The following CSMD2 variants were observed in gnomAD, a reference collection of about 807,000 sequenced individuals.
CSMD2 encodes CUB and Sushi multiple domains 2.
A neutral mutation model predicts 398.5 loss-of-function variants in CSMD2; 130 were observed. That is an observed-to-expected ratio of 0.33 (90% CI 0.28 to 0.38). The LOEUF (loss-of-function observed/expected upper bound fraction) is 0.38, where lower values mean the gene tolerates loss of function less well. Ranked by LOEUF, CSMD2 falls within the 10% of genes least tolerant of loss-of-function variation. CSMD2 has a pLI of 1.00. For missense variants in CSMD2, 3,829 were observed against 4,764.9 expected, an observed-to-expected ratio of 0.80 and a Z score of 5.78; for synonymous variants, 1,828 against 1,908.5, an observed-to-expected ratio of 0.96 and a Z score of 1.10.
chr1:33,574,104 T>C (rs947272317), intron 49 of CSMD2, among the ~76,000 whole-genome samples: 1 of 152,220 alleles, frequency 6.6e-6, no homozygotes, highest in Non-Finnish European at 1.5e-5. Context: ...CTTTCAGACA[T>C]GTAAAGTCTC....
intron 3 of CSMD2, among the ~76,000 whole-genome samples, chr1:33,991,921 ACAGGT>A (rs960353451): frequency 8.5e-5 from 13 of 152,170 alleles, no homozygotes; most frequent in African/African-American, 3.1e-4. Context: ...GGAGATATGA[ACAGGT>A]AATCCACTTG....
chr1:33,946,774 C>T (rs1470164561), intron 3 of CSMD2, among the ~76,000 whole-genome samples: 1 of 122,924 alleles, frequency 8.1e-6, no homozygotes, highest in East Asian at 2.1e-4. Context: ...GCGCACCACC[C>T]ACCATGTCCA....
chr1:33,601,013 G>A lies in CSMD2; in HGVS notation c.6711-3C>T. 2.5e-6 allele frequency: 4 copies of A among 1,614,138 alleles called. No individual in the cohort carries two copies. The highest frequency in any genetic ancestry group is 3.4e-6 in the Non-Finnish European group (4 of 1,180,030). On this transcript the variant is annotated splice_polypyrimidine_tract_variant and splice_region_variant and intron_variant, in intron 43 of 70. Transcript: ENST00000373381. ...GTGCTGTTTGCTGTGGCCCATCCCT[G>A]TACACAGGAAACAAGGTCCTGGCAT...
At position 33,935,650 on chromosome 1, in the gene CSMD2, C is replaced by T. The variant is rs111908471; in HGVS notation, c.712+110G>A. 193 of 1,179,824 alleles carry T rather than the reference C, an allele frequency of 1.6e-4. 2 individuals are homozygous for T. In the African/African-American group the frequency reaches 2.3e-3, roughly 14 times the overall value. 73.1% of individuals were successfully genotyped at this position (1,179,824 alleles called of 1,614,324 possible). A position where few individuals can be genotyped will look rare whatever the true frequency, so the allele number is the denominator to read the frequency against. On this transcript the variant is annotated intron_variant, in intron 4 of 70. Coordinates refer to ENST00000373381, the MANE Select transcript of CSMD2 (RefSeq NM_001281956.2). ...TGTGCTGTCCAGACTTGGGTACCCCCCTCCCTGCTGGGGTGTAGCTTTGCC... is the reference window on the plus strand; with the variant it reads ...TGTGCTGTCCAGACTTGGGTACCCCTCTCCCTGCTGGGGTGTAGCTTTGCC...
At chr1:33,958,965 G>A (rs1445033519) in intron 3 of CSMD2, among the ~76,000 whole-genome samples, 4 of 152,120 alleles carry the variant, frequency 2.6e-5, no homozygotes, top group Non-Finnish European at 5.9e-5. Flanking sequence ...CAAGGCCCTC[G>A]CCATGCTGTG....
chr1:33,942,665 G>A (rs962831294), intron 3 of CSMD2, among the ~76,000 whole-genome samples: 3 of 152,218 alleles, frequency 2.0e-5, no homozygotes, highest in Non-Finnish European at 2.9e-5. Context: ...GAATCATAAC[G>A]TGAGAAACAG....
At chr1:33,781,880 G>A (rs1233877279) in intron 12 of CSMD2, among the ~76,000 whole-genome samples, 1 of 150,914 alleles carries the variant, frequency 6.6e-6, no homozygotes, top group Non-Finnish European at 1.5e-5. Flanking sequence ...TGACAGATCA[G>A]GAGTCCCCTC....
At chr1:34,008,805 G>T (rs1276138405) in intron 3 of CSMD2, among the ~76,000 whole-genome samples, 3 of 152,142 alleles carry the variant, frequency 2.0e-5, no homozygotes, top group Non-Finnish European at 4.4e-5. Context: ...GGTGTGTGTT[G>T]TTCATGACTA....
At chr1:33,670,966 T>C (rs1344410864) in intron 25 of CSMD2, among the ~76,000 whole-genome samples, 1 of 151,714 alleles carries the variant, frequency 6.6e-6, no homozygotes, top group South Asian at 2.1e-4. Context: ...ACAGGATGAG[T>C]CCAGATGAAG....
At chr1:33,955,747 T>TCAC (rs1645145797) in intron 3 of CSMD2, among the ~76,000 whole-genome samples, 4 of 117,482 alleles carry the variant, frequency 3.4e-5, no homozygotes, top group Non-Finnish European at 5.9e-5. Context: ...ATCACCACCA[T>TCAC]CACCATCATC....
chr1:33,849,218 G>A (rs1638522861), intron 5 of CSMD2, among the ~76,000 whole-genome samples: 1 of 152,202 alleles, frequency 6.6e-6, no homozygotes, highest in East Asian at 1.9e-4. Context: ...GGGCAGTTGA[G>A]AGTTTTCTTG....
intron 3 of CSMD2, among the ~76,000 whole-genome samples, chr1:33,945,958 A>C (rs575832896): frequency 2.0e-5 from 3 of 152,342 alleles, no homozygotes; most frequent in South Asian, 4.1e-4. Flanking sequence ...TTTGAGGCTA[A>C]ATTTGATTAA....
intron 3 of CSMD2, among the ~76,000 whole-genome samples, chr1:34,028,767 T>C (rs893855557): frequency 2.0e-5 from 3 of 152,180 alleles, no homozygotes; most frequent in Non-Finnish European, 4.4e-5. Context: ...ATACAGTCGG[T>C]GCTTAATACA....
At chr1:33,708,776 A>AT (rs1192498613) in intron 22 of CSMD2, among the ~76,000 whole-genome samples, 4 of 151,872 alleles carry the variant, frequency 2.6e-5, no homozygotes, top group Admixed American at 1.3e-4. Flanking sequence ...TAATTTTTGT[A>AT]TTTTTTGTAG....
intron 5 of CSMD2, among the ~76,000 whole-genome samples, chr1:33,872,094 A>G (rs1314374341): frequency 6.6e-6 from 1 of 152,196 alleles, no homozygotes; most frequent in Admixed American, 6.5e-5. Flanking sequence ...TGCAAACCAT[A>G]TCATGGAGGA....
intron 2 of CSMD2, among the ~76,000 whole-genome samples, chr1:34,072,527 G>A (rs1004124151): frequency 6.6e-6 from 1 of 152,204 alleles, no homozygotes; most frequent in Non-Finnish European, 1.5e-5. Flanking sequence ...CTAGGGGAAT[G>A]TTGCGTCTTT....
Position 33,569,515 on chromosome 1 carries a change from T to C in CSMD2, c.7990A>G (p.Asn2664Asp), listed in dbSNP as rs746960525. The C allele has an allele frequency of 3.7e-6, 6 of 1,614,108 alleles. No individual in the cohort carries two copies. In the Admixed American group the frequency reaches 6.7e-5, roughly 18 times the overall value. ...GACAGTGTTCCGATGCGGTGGCCAT[T>C]GGGGGGAATCGGGAGCTCTCCACAG... ...ISCGELPIPP[N>D]GHRIGTLSVY... The change falls in exon 52 of 71, where the codon AAT (asparagine) becomes GAT (aspartate). Residue 2664 changes from asparagine to aspartate, a missense_variant. Transcript: ENST00000373381.
chr1:33,574,598 C>T (rs1297618959), intron 49 of CSMD2, among the ~76,000 whole-genome samples: 4 of 152,120 alleles, frequency 2.6e-5, no homozygotes, highest in Admixed American at 6.5e-5. Context: ...ATGCTTGATG[C>T]TATAAGAATT....
At chr1:33,555,593 G>C (rs1414361328) in intron 55 of CSMD2, among the ~76,000 whole-genome samples, 1 of 152,182 alleles carries the variant, frequency 6.6e-6, no homozygotes, top group Non-Finnish European at 1.5e-5. Context: ...AGACTTCACT[G>C]TTGTCTTATT....
Sources: allele counts gnomAD v4.1 joint callset (sites outside exome capture counted in the v4.1 genomes callset), GRCh38; gene constraint gnomAD v4.1.1; transcripts MANE v1.5; gene names NCBI Gene and HGNC (gene_info 2026-07-23, HGNC 2026-07-21).